Variants in NFYC observed in about 807,000 individuals in gnomAD.
NFYC encodes the protein CAAT box DNA-binding protein subunit C.
A neutral mutation model predicts 53.1 loss-of-function variants in NFYC; 25 were observed. The ratio of observed to expected loss-of-function variants is 0.47; its 90% CI spans 0.34 to 0.66. The LOEUF is 0.66. Among genes scored for constraint, NFYC ranks in the 30% least tolerant of loss-of-function variants. The pLI, the probability that NFYC is intolerant of heterozygous loss-of-function variation, is 0.01. For synonymous variants in NFYC, 145 were observed against 152.6 expected (o/e 0.95, Z 0.37); for missense variants, 260 against 422.7 (o/e 0.62, Z 3.38).
intron 1 of NFYC, among the ~76,000 whole-genome samples, chr1:40,722,096 G>C (rs879266421): frequency 6.6e-6 from 1 of 152,200 alleles, no homozygotes; most frequent in Non-Finnish European, 1.5e-5. Context: ...GTGTGGACCC[G>C]GGAGGCGAAG....
chr1:40,739,128 A>C (rs1645207783), intron 2 of NFYC, among the ~76,000 whole-genome samples, 180 bp downstream of exon 2: 1 of 152,230 alleles, frequency 6.6e-6, no homozygotes. Flanking sequence ...AGGTAACTGC[A>C]AGAGTCTTTT....
At chr1:40,694,655 T>A (rs182744755) in intron 1 of NFYC, among the ~76,000 whole-genome samples, 1 of 152,196 alleles carries the variant, frequency 6.6e-6, no homozygotes, top group African/African-American at 2.4e-5. Context: ...ACACCTTTTT[T>A]TTTTCAGCAG....
At chr1:40,702,341 CT>C (rs11307589) in intron 1 of NFYC, among the ~76,000 whole-genome samples, 61,889 of 118,630 alleles carry the variant, frequency 0.52, 15,071 homozygotes, top group Non-Finnish European at 0.56. Context: ...ATCTTCAGAA[CT>C]TTTTTTTTTT....
intron 1 of NFYC, among the ~76,000 whole-genome samples, chr1:40,694,981 A>G (rs1643046839): frequency 6.6e-6 from 1 of 152,196 alleles, no homozygotes; most frequent in African/African-American, 2.4e-5. Context: ...GACTGGGCGC[A>G]GTGGCTCACG....
At chr1:40,752,757 G>C (rs559927430) in intron 4 of NFYC, among the ~76,000 whole-genome samples, 2 of 152,066 alleles carry the variant, frequency 1.3e-5, no homozygotes, top group South Asian at 4.2e-4. Flanking sequence ...CAATACTTGT[G>C]AACCAAAGGG....
intron 2 of NFYC, among the ~76,000 whole-genome samples, chr1:40,740,838 G>T (rs1214282626): frequency 6.6e-6 from 1 of 152,026 alleles, no homozygotes. Flanking sequence ...GAGCCGAGAG[G>T]CATAAATCCA....
chr1:40,707,324 T>A (rs1299349499), intron 1 of NFYC, among the ~76,000 whole-genome samples: 1 of 151,318 alleles, frequency 6.6e-6, no homozygotes, highest in African/African-American at 2.4e-5. Context: ...TCAAACCCTA[T>A]CTCTACTAAA....
chr1:40,728,887 C>G (rs1283495867), intron 1 of NFYC, among the ~76,000 whole-genome samples: 1 of 152,212 alleles, frequency 6.6e-6, no homozygotes, highest in Non-Finnish European at 1.5e-5. Flanking sequence ...ATCCGCCCGC[C>G]TTGGCCTCCC....
At chr1:40,756,579 AC>A (rs1210707703) in intron 5 of NFYC, among the ~76,000 whole-genome samples, 1 of 152,196 alleles carries the variant, frequency 6.6e-6, no homozygotes, top group Non-Finnish European at 1.5e-5. Flanking sequence ...CATCAGGCAA[AC>A]AAAGGATACT....
At chr1:40,741,699 C>T (rs1355029385) in intron 2 of NFYC, among the ~76,000 whole-genome samples, 2 of 151,332 alleles carry the variant, frequency 1.3e-5, no homozygotes, top group East Asian at 3.9e-4. Flanking sequence ...ACCTCTCAGG[C>T]TCAAGCGATC....
chr1:40,742,292 G>A lies in NFYC; in HGVS notation c.105+3344G>A, dbSNP rs541494215. 3.3e-5 allele frequency among the ~76,000 whole-genome samples: 5 copies of A among 151,886 alleles called. No homozygotes were observed. The South Asian group carries it at 8.3e-4, about 25-fold the overall frequency. ...TTTGTTTATCCGTTCATCTGTTAAT[G>A]GACATTTGGGTTGGTTTCACCTCTT... is the stretch of plus-strand genomic sequence containing the variant. On this transcript the variant is annotated intron_variant, in intron 2 of 9. Transcript: ENST00000447388.
intron 1 of NFYC, among the ~76,000 whole-genome samples, chr1:40,711,434 G>A (rs1643924000): frequency 6.6e-6 from 1 of 152,186 alleles, no homozygotes; most frequent in South Asian, 2.1e-4. Context: ...ACTTGACCCT[G>A]TTGGCCCTAG....
intron 7 of NFYC, 31 bp from the exon 8 acceptor site, chr1:40,766,565 T>G: frequency 6.5e-7 from 1 of 1,533,478 alleles, no homozygotes; most frequent in South Asian, 1.2e-5. Flanking sequence ...CTCAATGTCT[T>G]ATGGTCTCTT....
At chr1:40,698,559 T>C (rs1250531065) in intron 1 of NFYC, among the ~76,000 whole-genome samples, 3 of 151,248 alleles carry the variant, frequency 2.0e-5, no homozygotes, top group Non-Finnish European at 4.4e-5. Flanking sequence ...CCTGAGTAGC[T>C]TGGGACTACA....
At chr1:40,755,160 C>T (rs958888227) in intron 5 of NFYC, among the ~76,000 whole-genome samples, 33 of 152,184 alleles carry the variant, frequency 2.2e-4, no homozygotes, top group Admixed American at 1.9e-3. Context: ...GCTACTAAAG[C>T]GAATGTACTT....
At chr1:40,703,457 A>T (rs1207226686) in intron 1 of NFYC, among the ~76,000 whole-genome samples, 1 of 132,110 alleles carries the variant, frequency 7.6e-6, no homozygotes, top group Non-Finnish European at 1.6e-5. Context: ...ATGCCACTGT[A>T]CTCCAGCCTG....
Position 40,762,914 on chromosome 1 carries a change from A to G in NFYC, c.588A>G (p.Gly196=), listed in dbSNP as rs958176078. The part of the protein sequence containing the change: ...GQTTPVTMQV[G]EGQQVQIVQA... ...CCACACCTGTGACAATGCAGGTTGG[A>G]GAAGGTCAGCAGGTGCAGATTGTCC... Residue 196 remains glycine (G), a synonymous_variant, in exon 7 of 10, where the codon GGA becomes GGG. Coordinates refer to ENST00000447388, the MANE Select transcript of NFYC (RefSeq NM_014223.5). 1.2e-6 allele frequency: 2 copies of G among 1,607,626 alleles called. No individual in the cohort carries two copies. Among genetic ancestry groups the G allele is most frequent in the African/African-American group, 1.3e-5 (1 of 74,516 alleles).
intron 1 of NFYC, among the ~76,000 whole-genome samples, chr1:40,721,287 A>C (rs1644317742): frequency 1.3e-5 from 2 of 152,186 alleles, no homozygotes; most frequent in African/African-American, 4.8e-5. Flanking sequence ...TCAACCCATG[A>C]GATAGTCTGA....
chr1:40,727,038 C>T (rs75781801), intron 1 of NFYC, among the ~76,000 whole-genome samples: 8,222 of 152,168 alleles, frequency 0.054, 381 homozygotes, highest in African/African-American at 0.12. Flanking sequence ...TCTCAGGCTC[C>T]GCTTCTAATT....
Sources: gnomAD v4.1 joint callset for allele counts (sites outside exome capture counted in the v4.1 genomes callset) on GRCh38, gnomAD v4.1.1 for gene constraint, MANE v1.5 for transcripts, NCBI Gene and HGNC (gene_info 2026-07-23, HGNC 2026-07-21) for gene names.